The following MCM9 variants were observed in gnomAD, a reference collection of about 807,000 sequenced individuals.
MCM9 encodes the protein DNA helicase MCM9.
A neutral mutation model predicts 72.8 loss-of-function variants in MCM9; 55 were observed. That is an observed-to-expected ratio of 0.76 (90% CI 0.61 to 0.95). MCM9 has a LOEUF of 0.95. Among genes scored for constraint, MCM9 ranks in the 40% least tolerant of loss-of-function variants. The probability of loss-of-function intolerance (pLI) is 0.00; values close to 1 mark genes in which losing one functional copy is unlikely to be tolerated. For synonymous variants in MCM9, 480 were observed against 503.4 expected (o/e 0.95, Z 0.62); for missense variants, 1,279 against 1,377.0 (o/e 0.93, Z 1.13).
intron 8 of MCM9, among the ~76,000 whole-genome samples, chr6:118,865,126 A>T (rs1403824843): frequency 2.0e-5 from 3 of 152,168 alleles, no homozygotes; most frequent in African/African-American, 4.8e-5. Flanking sequence ...ACAATTTTAC[A>T]GCTCCCACTC....
At chr6:118,838,062 CA>C (rs2114599900) in intron 9 of MCM9, among the ~76,000 whole-genome samples, 1 of 151,518 alleles carries the variant, frequency 6.6e-6, no homozygotes, top group South Asian at 2.1e-4. Flanking sequence ...CTGGTGGTGA[CA>C]AAATCCCTCA....
intron 9 of MCM9, among the ~76,000 whole-genome samples, chr6:118,833,518 C>T (rs532129938): frequency 1.3e-5 from 2 of 152,080 alleles, no homozygotes; most frequent in Admixed American, 6.6e-5. Context: ...AGCTGAGAGG[C>T]GGAGAAAATC....
At chr6:118,925,120 G>C (rs1002420614) in intron 3 of MCM9, among the ~76,000 whole-genome samples, 2 of 151,928 alleles carry the variant, frequency 1.3e-5, no homozygotes, top group African/African-American at 4.8e-5. Flanking sequence ...GGGGAGAGGA[G>C]GGGAGGAGGA....
intron 8 of MCM9, among the ~76,000 whole-genome samples, chr6:118,896,831 A>G (rs1779450714): frequency 8.7e-6 from 1 of 115,554 alleles, no homozygotes; most frequent in Non-Finnish European, 1.9e-5. Context: ...AAATTAAACT[A>G]TAGAATTTTT....
chr6:118,885,435 C>T (rs550079931), intron 8 of MCM9, among the ~76,000 whole-genome samples: 2 of 151,468 alleles, frequency 1.3e-5, no homozygotes, highest in Non-Finnish European at 2.9e-5. Context: ...GTTAGGGTGA[C>T]CAAACAAAAA....
intron 8 of MCM9, among the ~76,000 whole-genome samples, chr6:118,909,615 G>T (rs1780395143): frequency 6.6e-6 from 1 of 152,138 alleles, no homozygotes; most frequent in Admixed American, 6.5e-5. Context: ...ATGCCACTAA[G>T]ATGGAGGCAT....
At chr6:118,901,907 C>A (rs1324638666) in intron 8 of MCM9, among the ~76,000 whole-genome samples, 2 of 152,144 alleles carry the variant, frequency 1.3e-5, no homozygotes, top group East Asian at 1.9e-4. Context: ...GTCAAATAAT[C>A]CCATCAGAAA....
At position 118,815,729 on chromosome 6, in the gene MCM9, G is replaced by C; in HGVS notation, c.2527C>G (p.His843Asp). 1 of 1,545,028 alleles carries C rather than the reference G, an allele frequency of 6.5e-7. No individual in the cohort carries two copies. Among genetic ancestry groups the C allele is most frequent in the East Asian group, 2.4e-5 (1 of 40,904 alleles). Reference sequence around the variant, plus strand: ...AGCTTCTGCAGGTTCCTGGGGACATGATGAGTCAGTACTGAGTCTGGTTTA... The same window carrying C: ...AGCTTCTGCAGGTTCCTGGGGACATCATGAGTCAGTACTGAGTCTGGTTTA... ...ADKPDSVLTH[H>D]VPRNLQKLCK... The change falls in exon 14 of 14, where the codon CAT becomes GAT. Residue 843 changes from histidine (H) to aspartate (D), a missense_variant. His to Asp is a moderately conservative substitution (Grantham distance 81). Transcript: ENST00000619706.
intron 8 of MCM9, among the ~76,000 whole-genome samples, chr6:118,872,816 C>T (rs998675661): frequency 2.7e-5 from 4 of 150,914 alleles, no homozygotes; most frequent in African/African-American, 9.7e-5. Flanking sequence ...AAAAGGAAGG[C>T]CAAATGAAAT....
At chr6:118,895,289 G>A (rs1779311586) in intron 8 of MCM9, among the ~76,000 whole-genome samples, 1 of 152,094 alleles carries the variant, frequency 6.6e-6, no homozygotes, top group African/African-American at 2.4e-5. Context: ...CGGGATGCTG[G>A]CGCGCAGGCT....
chr6:118,815,038 G>A lies in MCM9; in HGVS notation c.3218C>T (p.Ser1073Phe). 1 of 1,550,446 alleles carries A rather than the reference G, an allele frequency of 6.4e-7. No individual in the cohort carries two copies. The highest frequency in any genetic ancestry group is 8.7e-7 in the Non-Finnish European group (1 of 1,146,810). ...FTPPSESKSK[S>F]PPPERKNRGE... Reference sequence around the variant, plus strand: ...TCGGTTCTTCCTTTCAGGAGGAGGGGATTTTGATTTGGATTCCGATGGGGG... The same window carrying A: ...TCGGTTCTTCCTTTCAGGAGGAGGGAATTTTGATTTGGATTCCGATGGGGG... Residue 1073 changes from serine to phenylalanine, a missense_variant, in exon 14 of 14, where the codon TCC (serine) becomes TTC (phenylalanine). Ser to Phe is a radical substitution (Grantham distance 155, BLOSUM62 -2). Transcript: ENST00000619706.
rs1429153100 is a variant in MCM9, at chr6:118,910,575, A to G, written c.1150+1075T>C. ...TCATTTCTTGACACTCTACATAATT[A>G]CTTAGGAAACATTCCACATAATTAC... On this transcript the variant is annotated intron_variant, in intron 8 of 13. Transcript: ENST00000619706. 9.3e-6 allele frequency: 9 copies of G among 970,658 alleles called. No homozygotes were observed. In the Admixed American group the frequency reaches 4.3e-4, roughly 46 times the overall value. The allele number at this position is 970,658 out of a possible 1,614,324, so 60.1% of individuals were successfully genotyped here.
intron 8 of MCM9, among the ~76,000 whole-genome samples, chr6:118,889,603 G>A (rs1778816457): frequency 6.6e-6 from 1 of 152,314 alleles, no homozygotes; most frequent in Non-Finnish European, 1.5e-5. Context: ...TTGAGTTCAA[G>A]AGGAAACGAG....
chr6:118,886,158 T>TA, intron 8 of MCM9, among the ~76,000 whole-genome samples: 1 of 150,972 alleles, frequency 6.6e-6, no homozygotes, highest in African/African-American at 2.4e-5. Flanking sequence ...TTCAACAAAC[T>TA]AAGAACAAAA....
intron 9 of MCM9, among the ~76,000 whole-genome samples, chr6:118,851,138 T>C (rs1776200570): frequency 6.6e-6 from 1 of 151,856 alleles, no homozygotes; most frequent in African/African-American, 2.4e-5. Context: ...TTGAACCATG[T>C]GAGAAATGTG....
chr6:118,846,998 C>T (rs1775915198), intron 9 of MCM9, among the ~76,000 whole-genome samples: 1 of 151,796 alleles, frequency 6.6e-6, no homozygotes, highest in African/African-American at 2.4e-5. Context: ...AGTGCCCTGA[C>T]TTGAATATCC....
chr6:118,879,134 T>C (rs1011184449), intron 8 of MCM9, among the ~76,000 whole-genome samples: 1 of 151,722 alleles, frequency 6.6e-6, no homozygotes, highest in African/African-American at 2.4e-5. Context: ...ACATAAGACA[T>C]GTAGAAAACA....
At chr6:118,921,976 A>C in intron 5 of MCM9, 29 bp downstream of exon 5, 1 of 1,569,518 alleles carries the variant, frequency 6.4e-7, no homozygotes. Flanking sequence ...CTACCTACAC[A>C]AGCTAAAAAA....
intron 9 of MCM9, among the ~76,000 whole-genome samples, chr6:118,847,364 C>T (rs1057111558): frequency 1.3e-5 from 2 of 149,790 alleles, no homozygotes; most frequent in African/African-American, 5.0e-5. Flanking sequence ...GGGCGATGGG[C>T]CCTACCATTA....
Sources: gnomAD v4.1 joint callset for allele counts (sites outside exome capture counted in the v4.1 genomes callset) on GRCh38, gnomAD v4.1.1 for gene constraint, MANE v1.5 for transcripts, NCBI Gene and HGNC (gene_info 2026-07-23, HGNC 2026-07-21) for gene names.